Variants in PRIM2 observed in about 807,000 individuals in gnomAD.
The protein encoded by PRIM2 is DNA primase large subunit.
PRIM2 carries 39 observed loss-of-function variants against 67.3 expected under a neutral mutation model. The ratio of observed to expected loss-of-function variants is 0.58; its 90% CI spans 0.45 to 0.76. PRIM2 has a LOEUF of 0.76. PRIM2 is among the 30% of genes least tolerant of loss of function. PRIM2 has a pLI of 0.00. For synonymous variants in PRIM2, 143 were observed against 198.7 expected (o/e 0.72, Z 2.36); for missense variants, 398 against 598.7 (o/e 0.66, Z 3.50).
intron 10 of PRIM2, among the ~76,000 whole-genome samples, chr6:57,596,561 A>G (rs1202094112): frequency 2.0e-5 from 3 of 147,044 alleles, no homozygotes; most frequent in Non-Finnish European, 3.0e-5. Flanking sequence ...TTATATAGGT[A>G]TAGTCACTTA....
intron 5 of PRIM2, among the ~76,000 whole-genome samples, chr6:57,330,948 C>T (rs547982232): frequency 1.1e-3 from 162 of 151,744 alleles, no homozygotes; most frequent in Non-Finnish European, 2.0e-3. Context: ...TTTGGGAGGC[C>T]GAGGTGGGCG....
intron 5 of PRIM2, among the ~76,000 whole-genome samples, chr6:57,345,718 TAAGA>T (rs1768653880): frequency 6.6e-6 from 1 of 152,162 alleles, no homozygotes; most frequent in East Asian, 1.9e-4. Flanking sequence ...GCAAGTTTAT[TAAGA>T]AAGTAAAGAA....
At chr6:57,270,645 C>T in the PRIM2 span, among the ~76,000 whole-genome samples, 2 of 152,140 alleles carry the variant, frequency 1.3e-5, no homozygotes, top group Admixed American at 1.3e-4. Flanking sequence ...ATTGCCCCGG[C>T]CAGAACTTCC....
intron 3 of PRIM2, among the ~76,000 whole-genome samples, chr6:57,323,864 G>C (rs1461591304): frequency 3.3e-5 from 5 of 152,106 alleles, no homozygotes; most frequent in African/African-American, 1.2e-4. Flanking sequence ...ACTAGAGTAG[G>C]AGTCTTGAAA....
chr6:57,229,484 T>C, the PRIM2 span, among the ~76,000 whole-genome samples: 2 of 82,520 alleles, frequency 2.4e-5, no homozygotes, highest in Admixed American at 1.7e-4. Flanking sequence ...TTAATTCTTT[T>C]TTTATTTATT....
At chr6:57,591,850 C>T (rs1238334998) in intron 10 of PRIM2, among the ~76,000 whole-genome samples, 1 of 151,258 alleles carries the variant, frequency 6.6e-6, no homozygotes, top group African/African-American at 2.4e-5. Context: ...AATTGTTCTA[C>T]CAAAAAGACA....
At chr6:57,348,935 C>T (rs1487939133) in intron 5 of PRIM2, among the ~76,000 whole-genome samples, 10 of 151,836 alleles carry the variant, frequency 6.6e-5, no homozygotes, top group Non-Finnish European at 8.8e-5. Context: ...TTAGTAGAGA[C>T]GGGTTTTCAC....
At position 57,601,365 on chromosome 6, in the gene PRIM2, A is replaced by G. The variant is rs1582013855; in HGVS notation, c.1147+146A>G. The G allele has an allele frequency of 1.2e-4, 99 of 804,750 alleles. No individual in the cohort carries two copies. The South Asian group carries it at 1.7e-3, about 14-fold the overall frequency. The allele number at this position is 804,750 out of a possible 1,614,324, so 49.9% of individuals were successfully genotyped here. ...GTCGTCACTGTCAAGCTAGAGCTCC[A>G]TTACTCTTAGAACAATTTGTCTTAT... On this transcript the variant is annotated intron_variant, in intron 11 of 13. Transcript: ENST00000615550.
the PRIM2 span, among the ~76,000 whole-genome samples, chr6:57,255,067 G>C: frequency 6.6e-6 from 1 of 152,176 alleles, no homozygotes. Context: ...TGGGCTGCGA[G>C]AATAGGCAGC....
chr6:57,255,740 A>G, the PRIM2 span, among the ~76,000 whole-genome samples: 1 of 128,444 alleles, frequency 7.8e-6, no homozygotes, highest in African/African-American at 3.3e-5. Context: ...GAAAGAGAAC[A>G]TCTAGTTAGA....
chr6:57,476,095 A>C (rs1365079479), intron 7 of PRIM2, among the ~76,000 whole-genome samples: 1 of 151,948 alleles, frequency 6.6e-6, no homozygotes, highest in Non-Finnish European at 1.5e-5. Context: ...TCCTAGATAC[A>C]CTCTATATTC....
intron 7 of PRIM2, among the ~76,000 whole-genome samples, chr6:57,496,534 A>G (rs1774008380): frequency 1.3e-5 from 2 of 152,208 alleles, no homozygotes; most frequent in African/African-American, 2.4e-5. Flanking sequence ...AATTTCTATG[A>G]GAAACTTCCA....
At chr6:57,290,742 T>A in the PRIM2 span, among the ~76,000 whole-genome samples, 73 of 152,314 alleles carry the variant, frequency 4.8e-4, no homozygotes, top group African/African-American at 1.7e-3. Flanking sequence ...AACCAGCTCC[T>A]GAATGACTGC....
intron 13 of PRIM2, among the ~76,000 whole-genome samples, chr6:57,636,544 T>C (rs1244305286): frequency 1.3e-5 from 2 of 152,044 alleles, no homozygotes; most frequent in East Asian, 3.9e-4. Flanking sequence ...TAGAATTCTA[T>C]AAAAAGGAAA....
intron 7 of PRIM2, among the ~76,000 whole-genome samples, chr6:57,487,995 T>C (rs1167575778): frequency 6.6e-6 from 1 of 152,198 alleles, no homozygotes; most frequent in Non-Finnish European, 1.5e-5. Flanking sequence ...CTGTGTAAAA[T>C]TGGGACTAGT....
At chr6:57,324,421 A>T in intron 4 of PRIM2, 141 bp downstream of exon 4, 1 of 458,860 alleles carries the variant, frequency 2.2e-6, no homozygotes, top group Non-Finnish European at 3.9e-6. Flanking sequence ...TTGAACACTG[A>T]CAGTAAATTG....
the PRIM2 span, among the ~76,000 whole-genome samples, chr6:57,291,105 A>G: frequency 6.6e-6 from 1 of 152,246 alleles, no homozygotes; most frequent in African/African-American, 2.4e-5. Context: ...ACCACTACCA[A>G]GACTAATAAA....
At chr6:57,382,304 T>G in intron 7 of PRIM2, 136 bp downstream of exon 7, 1 of 1,014,614 alleles carries the variant, frequency 9.9e-7, no homozygotes, top group Non-Finnish European at 1.3e-6. Flanking sequence ...CATATGATGT[T>G]GTACTGTTAA....
At chr6:57,451,348 C>T (rs1466040750) in intron 7 of PRIM2, among the ~76,000 whole-genome samples, 1 of 152,040 alleles carries the variant, frequency 6.6e-6, no homozygotes, top group African/African-American at 2.4e-5. Flanking sequence ...ACTGTGTTGG[C>T]CAGGCTGGTC....
Sources: gnomAD v4.1 joint callset for allele counts (sites outside exome capture counted in the v4.1 genomes callset) on GRCh38, gnomAD v4.1.1 for gene constraint, MANE v1.5 for transcripts, NCBI Gene and HGNC (gene_info 2026-07-23, HGNC 2026-07-21) for gene names.